ELAVL2: variants seen among roughly 807,000 people sequenced by gnomAD.
ELAVL2 encodes the protein ELAV-like protein 2.
A neutral mutation model predicts 34.6 loss-of-function variants in ELAVL2; 4 were observed. The observed-to-expected ratio is 0.12, with a 90% CI of 0.06 to 0.26. The LOEUF (loss-of-function observed/expected upper bound fraction) is 0.26, where lower values mean the gene tolerates loss of function less well. Among genes scored for constraint, ELAVL2 ranks in the 10% least tolerant of loss-of-function variants. The pLI, the probability that ELAVL2 is intolerant of heterozygous loss-of-function variation, is 1.00. For synonymous variants in ELAVL2, 193 were observed against 154.8 expected, an observed-to-expected ratio of 1.25 and a Z score of -1.83; for missense variants, 432 against 442.8, an observed-to-expected ratio of 0.98 and a Z score of 0.22.
At chr9:23,800,597 C>A (rs2137614915) in intron 1 of ELAVL2, among the ~76,000 whole-genome samples, 1 of 152,284 alleles carries the variant, frequency 6.6e-6, no homozygotes, top group Non-Finnish European at 1.5e-5. Context: ...GAACATAGGT[C>A]ATTATCCCCA....
chr9:23,809,863 G>T (rs2062747451), intron 1 of ELAVL2, among the ~76,000 whole-genome samples: 1 of 152,136 alleles, frequency 6.6e-6, no homozygotes, highest in African/African-American at 2.4e-5. Context: ...TAAAGTTGGA[G>T]AAATACTGAA....
chr9:23,693,355 A>G, intron 6 of ELAVL2, 93 bp downstream of exon 6: 1 of 1,494,506 alleles, frequency 6.7e-7, no homozygotes, highest in African/African-American at 1.4e-5. Flanking sequence ...AACCCAACAA[A>G]AACTTATGAG....
At position 23,692,509 on chromosome 9, in the gene ELAVL2, C is replaced by G; in HGVS notation, c.*48G>C. On this transcript the variant is annotated 3_prime_UTR_variant, in exon 7 of 7. Coordinates refer to ENST00000397312, the MANE Select transcript of ELAVL2 (RefSeq NM_004432.5). ...ATGTATAAAGTTTCTCTTAACTTGC[C>G]TTTGTTGTATAGTTTTCATATATAA... is the stretch of plus-strand genomic sequence containing the variant. The G allele has an allele frequency of 6.5e-7, 1 of 1,543,684 alleles. No individual in the cohort carries two copies. The highest frequency in any genetic ancestry group is 8.7e-7 in the Non-Finnish European group (1 of 1,144,426).
At chr9:23,776,730 G>C (rs1415295053) in intron 1 of ELAVL2, among the ~76,000 whole-genome samples, 1 of 108,388 alleles carries the variant, frequency 9.2e-6, no homozygotes, top group East Asian at 2.9e-4. Flanking sequence ...ATGCTAAATA[G>C]TTTGCTATCA....
At chr9:23,767,079 G>T (rs1444831460) in intron 1 of ELAVL2, among the ~76,000 whole-genome samples, 3 of 152,158 alleles carry the variant, frequency 2.0e-5, no homozygotes, top group Non-Finnish European at 2.9e-5. Context: ...GATGAATCTA[G>T]AATATTCTAA....
intron 1 of ELAVL2, among the ~76,000 whole-genome samples, chr9:23,784,720 C>T (rs775902333): frequency 5.3e-5 from 8 of 152,188 alleles, no homozygotes; most frequent in Non-Finnish European, 1.2e-4. Flanking sequence ...TGTTTCTGAA[C>T]TAGGTAGGTG....
chr9:23,844,592 G>T, the ELAVL2 span, among the ~76,000 whole-genome samples: 1 of 151,882 alleles, frequency 6.6e-6, no homozygotes, highest in African/African-American at 2.4e-5. Context: ...ATGTTAATCA[G>T]CTCTTTAAAC....
chr9:23,772,534 C>CA (rs11450267), intron 1 of ELAVL2, among the ~76,000 whole-genome samples: 5,006 of 66,568 alleles, frequency 0.075, 243 homozygotes, highest in African/African-American at 0.16. Context: ...CAGCTTACAC[C>CA]AAAAAAAAAA....
At position 23,699,222 on chromosome 9, in the gene ELAVL2, G is replaced by T. The variant is rs78347520; in HGVS notation, c.713+2157C>A. Among the ~76,000 whole-genome samples, 1,229 of 152,240 alleles carry T rather than the reference G, an allele frequency of 8.1e-3. 12 individuals carry two copies. The highest frequency in any genetic ancestry group is 0.01 in the Non-Finnish European group (698 of 68,004). ...AAAATAAAAAGCACAGAGCCTGCAG[G>T]GATGGAGGCTAGGTAAACCTAAGGG... On this transcript the variant is annotated intron_variant, in intron 5 of 6. Transcript: ENST00000397312.
At chr9:23,756,691 A>G (rs2053639886) in intron 2 of ELAVL2, among the ~76,000 whole-genome samples, 2 of 152,210 alleles carry the variant, frequency 1.3e-5, no homozygotes, top group African/African-American at 4.8e-5. Context: ...CCAATGCTGA[A>G]GAGGGGACAG....
intron 1 of ELAVL2, among the ~76,000 whole-genome samples, chr9:23,792,061 G>A: frequency 6.6e-6 from 1 of 152,156 alleles, no homozygotes; most frequent in East Asian, 1.9e-4. Flanking sequence ...ACATTCAGTA[G>A]AAACAGCACT....
At chr9:23,794,673 C>CA (rs1225926163) in intron 1 of ELAVL2, among the ~76,000 whole-genome samples, 1 of 152,100 alleles carries the variant, frequency 6.6e-6, no homozygotes, top group Non-Finnish European at 1.5e-5. Context: ...AAAGCTTGTA[C>CA]AAATCAATCC....
At chr9:23,815,408 C>T (rs546719099) in intron 1 of ELAVL2, among the ~76,000 whole-genome samples, 20 of 152,268 alleles carry the variant, frequency 1.3e-4, no homozygotes, top group Admixed American at 6.5e-4. Flanking sequence ...CCCAAATCCT[C>T]CCTGCAGTCT....
intron 5 of ELAVL2, among the ~76,000 whole-genome samples, chr9:23,699,834 T>G (rs1273492850): frequency 6.9e-5 from 6 of 86,508 alleles, no homozygotes; most frequent in Non-Finnish European, 1.4e-4. Context: ...TTTTTTTTTT[T>G]TTTTTTTTTT....
intron 1 of ELAVL2, among the ~76,000 whole-genome samples, chr9:23,791,088 G>T (rs1198971492): frequency 6.6e-6 from 1 of 152,200 alleles, no homozygotes; most frequent in Admixed American, 6.5e-5. Flanking sequence ...TTTGTAACAA[G>T]AGGTCAAACT....
rs1458309698 is a variant in ELAVL2, at chr9:23,781,536, A to T, written c.-15-19287T>A. On this transcript the variant is annotated intron_variant, in intron 1 of 6. Transcript: ENST00000397312. The stretch of plus-strand genomic sequence containing the variant: ...TTCTTTCCTTTTTTTTTTTTTTTTG[A>T]AGATAGGTTCTAATTCTGTCACCAA... Among the ~76,000 whole-genome samples the T allele has an allele frequency of 1.4e-4, 18 of 125,094 alleles. No individual in the cohort carries two copies. The Middle Eastern group carries it at 0.014, about 97-fold the overall frequency. 82.1% of individuals were successfully genotyped at this position (125,094 alleles called of 152,430 possible).
chr9:23,812,397 T>A (rs762379981), intron 1 of ELAVL2, among the ~76,000 whole-genome samples: 1 of 152,128 alleles, frequency 6.6e-6, no homozygotes, highest in Non-Finnish European at 1.5e-5. Context: ...GCAGCCCACA[T>A]ATATCAAAGT....
At chr9:23,735,957 C>A (rs1396157647) in intron 2 of ELAVL2, among the ~76,000 whole-genome samples, 1 of 152,140 alleles carries the variant, frequency 6.6e-6, no homozygotes, top group Non-Finnish European at 1.5e-5. Flanking sequence ...GGCAATATAT[C>A]CCAAACTGTG....
chr9:23,711,279 C>A (rs1177484614), intron 3 of ELAVL2, among the ~76,000 whole-genome samples: 1 of 152,146 alleles, frequency 6.6e-6, no homozygotes, highest in Non-Finnish European at 1.5e-5. Context: ...AAAATACACA[C>A]AGAACCTTAA....
Sources: gnomAD v4.1 joint callset for allele counts (sites outside exome capture counted in the v4.1 genomes callset) on GRCh38, gnomAD v4.1.1 for gene constraint, MANE v1.5 for transcripts, NCBI Gene and HGNC (gene_info 2026-07-23, HGNC 2026-07-21) for gene names.